Variants in CCBE1 observed in about 807,000 individuals in gnomAD.
CCBE1 encodes the protein collagen and calcium binding EGF domains 1.
A neutral mutation model predicts 50.0 loss-of-function variants in CCBE1; 37 were observed. The observed-to-expected ratio is 0.74, with a 90% CI of 0.57 to 0.97. The LOEUF is 0.97. Ranked by LOEUF, CCBE1 falls within the 50% of genes least tolerant of loss-of-function variation. The probability of loss-of-function intolerance (pLI) is 0.00; values close to 1 mark genes in which losing one functional copy is unlikely to be tolerated. For synonymous variants in CCBE1, 234 were observed against 203.7 expected (o/e 1.15, Z -1.27); for missense variants, 538 against 523.8 (o/e 1.03, Z -0.26).
intron 2 of CCBE1, among the ~76,000 whole-genome samples, chr18:59,645,751 G>T (rs2054046753): frequency 6.6e-6 from 1 of 152,198 alleles, no homozygotes; most frequent in Non-Finnish European, 1.5e-5. Context: ...CAAAAGACAG[G>T]CTGGGCGCGG....
rs926034273 is a variant in CCBE1, at chr18:59,697,343, C to T, written c.-1G>A. Reference sequence around the variant, plus strand: ...CCCGGCTCGGAGGCGGCGGCACCATCAGGGAAGCTCCCGGCTTCTTCCCAG... The same window carrying T: ...CCCGGCTCGGAGGCGGCGGCACCATTAGGGAAGCTCCCGGCTTCTTCCCAG... On this transcript the variant is annotated 5_prime_UTR_variant, in exon 1 of 11. Transcript: ENST00000439986. 1.9e-6 allele frequency: 3 copies of T among 1,546,688 alleles called. No homozygotes were observed. The highest frequency in any genetic ancestry group is 2.6e-6 in the Non-Finnish European group (3 of 1,146,710).
chr18:59,636,300 A>C lies in CCBE1; in HGVS notation c.212+60329T>G, dbSNP rs547731533. Among the ~76,000 whole-genome samples the C allele has an allele frequency of 3.0e-4, 46 of 152,364 alleles. 1 individual carries two copies. The South Asian group carries it at 8.5e-3, about 28-fold the overall frequency. On this transcript the variant is annotated intron_variant, in intron 2 of 10. Coordinates refer to ENST00000439986, the MANE Select transcript of CCBE1 (RefSeq NM_133459.4). ...ACATTGAGGCAAAAAGGCAAAAAGC[A>C]CTTAGGATAAAGAGTCATTTACATC...
chr18:59,505,208 C>G (rs1045192772), intron 2 of CCBE1, among the ~76,000 whole-genome samples: 1 of 152,102 alleles, frequency 6.6e-6, no homozygotes, highest in African/African-American at 2.4e-5. Context: ...CACATTCAAA[C>G]CATTTATAGT....
chr18:59,539,194 C>CAAAAA (rs34047100), intron 2 of CCBE1, among the ~76,000 whole-genome samples: 1 of 137,550 alleles, frequency 7.3e-6, no homozygotes, highest in African/African-American at 2.7e-5. Context: ...AACACACACA[C>CAAAAA]ACACACAAAA....
Position 59,556,306 on chromosome 18 carries a change from G to A in CCBE1, c.213-76068C>T, listed in dbSNP as rs143508581. Among the ~76,000 whole-genome samples, 668 of 152,300 alleles carry A rather than the reference G, an allele frequency of 4.4e-3. 5 individuals are homozygous for A. Among genetic ancestry groups the A allele is most frequent in the African/African-American group, 0.015 (633 of 41,552 alleles). On this transcript the variant is annotated intron_variant, in intron 2 of 10. Transcript: ENST00000439986. ...CAAATCCTGGGGTTCTCAGGGCCCA[G>A]CTGTGTTTTGTCTTCCAGGAGTGAT...
intron 2 of CCBE1, among the ~76,000 whole-genome samples, chr18:59,525,232 G>A: frequency 6.6e-6 from 1 of 152,162 alleles, no homozygotes; most frequent in South Asian, 2.1e-4. Context: ...ATCCTTGCCA[G>A]CATCTGTTAT....
intron 2 of CCBE1, among the ~76,000 whole-genome samples, chr18:59,560,469 G>A (rs1218885787): frequency 6.6e-6 from 1 of 152,130 alleles, no homozygotes; most frequent in Non-Finnish European, 1.5e-5. Context: ...GACAAGGGGA[G>A]GGAGAGCATT....
intron 2 of CCBE1, among the ~76,000 whole-genome samples, chr18:59,514,368 C>G (rs552874917): frequency 2.6e-5 from 4 of 152,234 alleles, no homozygotes; most frequent in African/African-American, 9.6e-5. Flanking sequence ...ACGTGGCCCT[C>G]CCAGTGAGTC....
At chr18:59,548,383 G>A (rs1915789209) in intron 2 of CCBE1, among the ~76,000 whole-genome samples, 1 of 152,216 alleles carries the variant, frequency 6.6e-6, no homozygotes, top group African/African-American at 2.4e-5. Context: ...AAACTTAAGA[G>A]GATGGCTTTG....
intron 9 of CCBE1, 73 bp from the exon 10 acceptor site, chr18:59,438,219 C>T (rs1910249859): frequency 2.4e-6 from 3 of 1,243,132 alleles, no homozygotes; most frequent in Non-Finnish European, 3.6e-6. Flanking sequence ...ATTTATACAC[C>T]CACCATAACC....
intron 2 of CCBE1, among the ~76,000 whole-genome samples, chr18:59,620,914 C>T (rs1295429109): frequency 6.6e-6 from 1 of 152,214 alleles, no homozygotes; most frequent in East Asian, 1.9e-4. Flanking sequence ...CATCCCTGCA[C>T]TGGCCAGGGC....
chr18:59,658,305 A>G (rs2054218278), intron 2 of CCBE1, among the ~76,000 whole-genome samples: 1 of 108,076 alleles, frequency 9.3e-6, no homozygotes, highest in Non-Finnish European at 1.9e-5. Context: ...TGAGCAACAT[A>G]GCAAGACCCT....
At chr18:59,585,116 G>C (rs714806) in intron 2 of CCBE1, among the ~76,000 whole-genome samples, 10,501 of 151,968 alleles carry the variant, frequency 0.069, 1,095 homozygotes, top group African/African-American at 0.22. Flanking sequence ...GCAGCAGCCC[G>C]CCATGTTCCT....
intron 2 of CCBE1, among the ~76,000 whole-genome samples, chr18:59,657,185 A>C (rs1457282361): frequency 6.6e-6 from 1 of 152,206 alleles, no homozygotes; most frequent in Non-Finnish European, 1.5e-5. Context: ...AGATTTACTC[A>C]TGCTACCTAG....
At chr18:59,443,847 T>C (rs1444721492) in intron 7 of CCBE1, among the ~76,000 whole-genome samples, 1 of 152,138 alleles carries the variant, frequency 6.6e-6, no homozygotes, top group East Asian at 1.9e-4. Flanking sequence ...TCTCTATAAC[T>C]TTCTCATCCT....
intron 1 of CCBE1, 62 bp downstream of exon 1, chr18:59,697,150 C>T: frequency 6.5e-7 from 1 of 1,544,736 alleles, no homozygotes; most frequent in Non-Finnish European, 8.7e-7. Context: ...ACCGCCCGCA[C>T]CCCGCGAGCC....
chr18:59,445,945 A>G (rs1193530858), intron 7 of CCBE1, among the ~76,000 whole-genome samples: 1 of 152,212 alleles, frequency 6.6e-6, no homozygotes, highest in Non-Finnish European at 1.5e-5. Context: ...AACCCAGAGT[A>G]GTTTCCTGTA....
At chr18:59,668,533 T>TAG (rs1347885773) in intron 2 of CCBE1, among the ~76,000 whole-genome samples, 2 of 152,150 alleles carry the variant, frequency 1.3e-5, no homozygotes, top group Non-Finnish European at 2.9e-5. Flanking sequence ...AAGCATATTT[T>TAG]CATCTCAGAA....
chr18:59,663,858 T>A (rs934145435), intron 2 of CCBE1, among the ~76,000 whole-genome samples: 1 of 152,050 alleles, frequency 6.6e-6, no homozygotes, highest in Non-Finnish European at 1.5e-5. Context: ...AGATTCCAGT[T>A]TGGGAGGCTG....
Sources: gnomAD v4.1 joint callset for allele counts (sites outside exome capture counted in the v4.1 genomes callset) on GRCh38, gnomAD v4.1.1 for gene constraint, MANE v1.5 for transcripts, NCBI Gene and HGNC (gene_info 2026-07-23, HGNC 2026-07-21) for gene names.